The following TMCO4 variants were observed in gnomAD, a reference collection of about 807,000 sequenced individuals.
TMCO4 encodes the protein transmembrane and coiled-coil domain-containing protein 4.
Under a neutral mutation model 64.7 loss-of-function variants are expected in TMCO4, and 58 were observed. That is an observed-to-expected ratio of 0.90 (90% CI 0.73 to 1.12). TMCO4 has a LOEUF of 1.12. Among genes scored for constraint, TMCO4 ranks in the 50% most tolerant of loss-of-function variants. TMCO4 has a pLI of 0.00. For missense variants in TMCO4, 780 were observed against 825.9 expected (o/e 0.94, Z 0.68); for synonymous variants, 325 against 346.1 (o/e 0.94, Z 0.68).
intron 6 of TMCO4, among the ~76,000 whole-genome samples, chr1:19,768,688 G>A (rs61768316): frequency 0.12 from 17,830 of 152,162 alleles, 1,142 homozygotes; most frequent in Non-Finnish European, 0.13. Context: ...TCAGCTCCAC[G>A]ATATGGAATT....
chr1:19,798,736 T>A (rs2044455515), intron 1 of TMCO4, among the ~76,000 whole-genome samples: 1 of 152,128 alleles, frequency 6.6e-6, no homozygotes, highest in Admixed American at 6.5e-5. Flanking sequence ...CAGCCCTCCC[T>A]CCCCAGGCTG....
At position 19,683,309 on chromosome 1, in the gene TMCO4, C is replaced by T; in HGVS notation, c.1636G>A (p.Ala546Thr). The T allele has an allele frequency of 6.2e-7, 1 of 1,613,972 alleles. No individual in the cohort carries two copies. Residue 546 changes from alanine to threonine, a missense_variant, in exon 16 of 16, where the codon GCA becomes ACA. Transcript: ENST00000294543. Reference sequence around the variant, plus strand: ...TCGCCTGATGAGGCGGCAGCTGCTGCCTGGCGAGGCTCCTCGGAGGGCAGG... The same window carrying T: ...TCGCCTGATGAGGCGGCAGCTGCTGTCTGGCGAGGCTCCTCGGAGGGCAGG... ...GCLPSEEPRQ[A>T]AAAASSGETP...
intron 13 of TMCO4, 172 bp from the exon 14 acceptor site, chr1:19,701,057 C>T: frequency 1.7e-6 from 1 of 581,466 alleles, no homozygotes; most frequent in Non-Finnish European, 3.0e-6. Context: ...CGCAAACATG[C>T]ATGGATAGGC....
At chr1:19,753,055 G>T (rs1381046498) in intron 7 of TMCO4, among the ~76,000 whole-genome samples, 1 of 151,962 alleles carries the variant, frequency 6.6e-6, no homozygotes, top group East Asian at 1.9e-4. Context: ...CGCCTCCTGG[G>T]TTCAAGCAAT....
At chr1:19,763,082 C>CT (rs375631458) in intron 6 of TMCO4, among the ~76,000 whole-genome samples, 196 of 147,648 alleles carry the variant, frequency 1.3e-3, no homozygotes, top group Middle Eastern at 3.5e-3. Flanking sequence ...TTCTTTTTTT[C>CT]TTTTTTTTTT....
intron 15 of TMCO4, among the ~76,000 whole-genome samples, chr1:19,690,190 GTCC>G (rs1187923953): frequency 2.0e-5 from 3 of 152,210 alleles, no homozygotes; most frequent in Non-Finnish European, 4.4e-5. Flanking sequence ...TTATCAGCGT[GTCC>G]TCATTCTTCT....
chr1:19,754,792 C>T (rs1338417360), intron 7 of TMCO4, among the ~76,000 whole-genome samples: 2 of 152,104 alleles, frequency 1.3e-5, no homozygotes, highest in African/African-American at 2.4e-5. Context: ...CGGGACACGT[C>T]GGGGAAGGGG....
intron 10 of TMCO4, among the ~76,000 whole-genome samples, chr1:19,742,907 G>C (rs912746925): frequency 6.6e-6 from 1 of 152,090 alleles, no homozygotes; most frequent in African/African-American, 2.4e-5. Flanking sequence ...AAAACTAGCC[G>C]GGCGTGGTGG....
At chr1:19,748,614 C>T (rs2100896913) in intron 7 of TMCO4, among the ~76,000 whole-genome samples, 1 of 152,270 alleles carries the variant, frequency 6.6e-6, no homozygotes. Context: ...CACCTGAGGT[C>T]AGGAGTTTGA....
intron 7 of TMCO4, among the ~76,000 whole-genome samples, chr1:19,748,893 T>C (rs781308358): frequency 6.6e-6 from 1 of 152,228 alleles, no homozygotes; most frequent in South Asian, 2.1e-4. Context: ...GGGATTTCAG[T>C]TGGGCATCTG....
rs895403478 is a variant in TMCO4 at position 19,734,607 on chromosome 1, G to A, written c.1264+2765C>T. Among the ~76,000 whole-genome samples, 5 of 151,976 alleles carry A rather than the reference G, an allele frequency of 3.3e-5. No homozygotes were observed. Among genetic ancestry groups the A allele is most frequent in the African/African-American group, 7.2e-5 (3 of 41,390 alleles). ...AGCATTTCCCACCAACCCACCTGGG[G>A]GGCCTCTTACGTGGGCTGCAGAGAC... On this transcript the variant is annotated intron_variant, in intron 13 of 15. Coordinates refer to ENST00000294543, the MANE Select transcript of TMCO4 (RefSeq NM_181719.7). The surrounding 1 kb of genome is among the most constrained non-coding windows in gnomAD (Gnocchi z 4.4).
At chr1:19,694,287 C>T (rs894021859) in intron 15 of TMCO4, 147 bp downstream of exon 15, 2 of 646,092 alleles carry the variant, frequency 3.1e-6, no homozygotes, top group Non-Finnish European at 5.2e-6. Context: ...CAGGCATGAG[C>T]CACTGCACCT....
intron 3 of TMCO4, among the ~76,000 whole-genome samples, chr1:19,783,827 G>GTA (rs1423362046): frequency 6.6e-6 from 1 of 152,214 alleles, no homozygotes; most frequent in Non-Finnish European, 1.5e-5. Context: ...GGCCCAGAGA[G>GTA]GTTAAGACCT....
chr1:19,683,054 T>C lies in TMCO4; in HGVS notation c.1891A>G (p.Thr631Ala). The part of the protein sequence containing the change: ...DCACKTQGPS[T>A]GLD Reference sequence around the variant, plus strand: ...CCCTGCTGTGGTCAGTCCAGCCCCGTGCTGGGGCCCTGGGTCTTGCAGGCA... The same window carrying C: ...CCCTGCTGTGGTCAGTCCAGCCCCGCGCTGGGGCCCTGGGTCTTGCAGGCA... Residue 631 changes from threonine (T) to alanine (A), a missense_variant, in exon 16 of 16, where the codon ACG (threonine) becomes GCG (alanine). Transcript: ENST00000294543. 1 of 1,590,518 alleles carries C rather than the reference T, an allele frequency of 6.3e-7. No individual in the cohort carries two copies. Among genetic ancestry groups the C allele is most frequent in the Non-Finnish European group, 8.6e-7 (1 of 1,169,206 alleles).
intron 13 of TMCO4, among the ~76,000 whole-genome samples, chr1:19,733,353 T>C (rs570850625): frequency 1.4e-4 from 21 of 152,314 alleles, no homozygotes; most frequent in African/African-American, 5.1e-4. Context: ...CAAATGTTTG[T>C]CTACATCTGT....
In TMCO4 at chr1:19,743,561, A is replaced by C. The variant is rs1250738652; in HGVS notation, c.877+1971T>G. On this transcript the variant is annotated intron_variant, in intron 10 of 15. Transcript: ENST00000294543. The surrounding 1 kb of genome is among the most constrained non-coding windows in gnomAD (Gnocchi z 4.1). The stretch of plus-strand genomic sequence containing the variant: ...GTCCCACACTAGACAGCTGGAGATC[A>C]GTGAAGACTTTCCTCATCCCCAAAT... Among the ~76,000 whole-genome samples the C allele has an allele frequency of 6.6e-6, 1 of 152,176 alleles. No homozygotes were observed. The highest frequency in any genetic ancestry group is 2.4e-5 in the African/African-American group (1 of 41,428).
intron 13 of TMCO4, among the ~76,000 whole-genome samples, chr1:19,730,001 C>T (rs1402177850): frequency 6.6e-6 from 1 of 152,170 alleles, no homozygotes; most frequent in African/African-American, 2.4e-5. Flanking sequence ...TTCACGGGCT[C>T]TTGTGAGAAT....
intron 13 of TMCO4, among the ~76,000 whole-genome samples, chr1:19,715,254 A>G (rs1036528902): frequency 6.6e-6 from 1 of 152,104 alleles, no homozygotes; most frequent in Non-Finnish European, 1.5e-5. Context: ...TTATTTATTC[A>G]TGTTAGAGAC....
chr1:19,708,260 A>C (rs2095312383), intron 13 of TMCO4, among the ~76,000 whole-genome samples: 1 of 139,200 alleles, frequency 7.2e-6, no homozygotes, highest in Non-Finnish European at 1.6e-5. Context: ...CCCAGAATTT[A>C]GATAATTTCT....
Sources: allele counts gnomAD v4.1 joint callset (sites outside exome capture counted in the v4.1 genomes callset), GRCh38; gene constraint gnomAD v4.1.1; non-coding constraint Gnocchi (gnomAD v3.1); transcripts MANE v1.5; gene names NCBI Gene and HGNC (gene_info 2026-07-23, HGNC 2026-07-21).